The following PFKP variants were observed in gnomAD, a reference collection of about 807,000 sequenced individuals.
PFKP encodes the protein ATP-dependent 6-phosphofructokinase, platelet type.
In PFKP, 101 loss-of-function variants were observed where a neutral mutation model predicts 94.3. The observed-to-expected ratio is 1.07, with a 90% CI of 0.91 to 1.26. The LOEUF is 1.26. Among genes scored for constraint, PFKP ranks in the 50% most tolerant of loss-of-function variants. PFKP has a pLI of 0.00. For synonymous variants in PFKP, 573 were observed against 432.6 expected (o/e 1.32, Z -4.03); for missense variants, 1,145 against 1,103.3 (o/e 1.04, Z -0.53).
At chr10:3,067,918 T>G (rs1162097727) in intron 1 of PFKP, among the ~76,000 whole-genome samples, 1 of 151,628 alleles carries the variant, frequency 6.6e-6, no homozygotes, top group Non-Finnish European at 1.5e-5. Flanking sequence ...GCGGCAGGGG[T>G]ACCTGCGGGG....
chr10:3,106,635 GCCCCTC>G (rs1835602110), intron 7 of PFKP, among the ~76,000 whole-genome samples: 1 of 14,382 alleles, frequency 7.0e-5, no homozygotes, highest in Non-Finnish European at 1.7e-4. Context: ...CTTCACCCCT[GCCCCTC>G]TCCTCACCCC....
intron 8 of PFKP, among the ~76,000 whole-genome samples, chr10:3,107,579 G>C (rs893467773): frequency 6.6e-6 from 1 of 152,216 alleles, no homozygotes; most frequent in African/African-American, 2.4e-5. Context: ...GAGTGGCCAC[G>C]CGTGTTCTTT....
At chr10:3,067,777 A>T (rs1056483444) in intron 1 of PFKP, 70 bp downstream of exon 1, 11 of 666,434 alleles carry the variant, frequency 1.7e-5, no homozygotes, top group African/African-American at 1.6e-4. Context: ...GGCGAAGGCG[A>T]TGGGGTGACC....
intron 10 of PFKP, among the ~76,000 whole-genome samples, chr10:3,111,352 G>T (rs568124002): frequency 3.9e-5 from 6 of 152,258 alleles, no homozygotes; most frequent in South Asian, 4.1e-4. Context: ...GTGTGTGTCT[G>T]CACGTTAGTG....
chr10:3,097,571 CAGGGCCTG>C (rs1834592195), intron 2 of PFKP, among the ~76,000 whole-genome samples: 1 of 152,114 alleles, frequency 6.6e-6, no homozygotes, highest in Non-Finnish European at 1.5e-5. Context: ...GCCTGTGAGC[CAGGGCCTG>C]GGTGCCTGGG....
Position 3,129,997 on chromosome 10 carries a change from C to G in PFKP, c.1848+14C>G. The G allele has an allele frequency of 6.4e-7, 1 of 1,559,480 alleles. No individual in the cohort carries two copies. The highest frequency in any genetic ancestry group is 8.7e-7 in the Non-Finnish European group (1 of 1,149,152). On this transcript the variant is annotated intron_variant, in intron 17 of 21. Transcript: ENST00000381125. ...AGGGATCTGCAGGTATGTGACGGGG[C>G]TGGCCTCAGGGCCCGTCCCCTTGGG... is the stretch of plus-strand genomic sequence containing the variant.
At chr10:3,080,615 C>G (rs1461199844) in intron 1 of PFKP, among the ~76,000 whole-genome samples, 1 of 151,198 alleles carries the variant, frequency 6.6e-6, no homozygotes, top group Non-Finnish European at 1.5e-5. Flanking sequence ...AAGTGTGAAA[C>G]TCGCACAGCC....
At chr10:3,110,434 T>C (rs1836074866) in intron 10 of PFKP, among the ~76,000 whole-genome samples, 4 of 144,874 alleles carry the variant, frequency 2.8e-5, no homozygotes, top group African/African-American at 1.0e-4. Flanking sequence ...GCCAGGATGG[T>C]CTGGATCTCC....
At chr10:3,105,249 C>A in intron 6 of PFKP, 90 bp downstream of exon 6, 1 of 1,398,428 alleles carries the variant, frequency 7.2e-7, no homozygotes, top group Non-Finnish European at 1.0e-6. Context: ...ATCCTGAATG[C>A]TCCCGTGGAA....
chr10:3,113,248 C>T (rs1427387087), intron 12 of PFKP, 60 bp downstream of exon 12: 10 of 1,583,176 alleles, frequency 6.3e-6, no homozygotes, highest in African/African-American at 2.7e-5. Flanking sequence ...CTCATGGCCT[C>T]TGCCTCAGTG....
At chr10:3,122,398 A>AC (rs145998745) in intron 16 of PFKP, among the ~76,000 whole-genome samples, 15,013 of 152,188 alleles carry the variant, frequency 0.099, 788 homozygotes, top group Middle Eastern at 0.15. Flanking sequence ...CCCTCTGTGG[A>AC]CCCTGAAGGG....
intron 16 of PFKP, among the ~76,000 whole-genome samples, chr10:3,128,623 C>A (rs1316733172): frequency 6.6e-6 from 1 of 152,252 alleles, no homozygotes; most frequent in Non-Finnish European, 1.5e-5. Flanking sequence ...GCCTTGTACG[C>A]CTTGTTCCCT....
At chr10:3,097,167 T>C (rs1312852374) in intron 2 of PFKP, among the ~76,000 whole-genome samples, 1 of 151,368 alleles carries the variant, frequency 6.6e-6, no homozygotes, top group East Asian at 1.9e-4. Flanking sequence ...TCTTTATTTA[T>C]GTATCCACCC....
intron 15 of PFKP, 112 bp downstream of exon 15, chr10:3,118,981 C>T: frequency 1.3e-6 from 1 of 748,046 alleles, no homozygotes; most frequent in African/African-American, 1.8e-5. Flanking sequence ...GATAGGTTCC[C>T]AGACCCAGCG....
At chr10:3,095,869 G>A (rs906954035) in intron 2 of PFKP, among the ~76,000 whole-genome samples, 3 of 152,166 alleles carry the variant, frequency 2.0e-5, no homozygotes, top group African/African-American at 7.2e-5. Context: ...GCAAATTAAA[G>A]AATGAGTCAT....
intron 10 of PFKP, 115 bp downstream of exon 10, chr10:3,109,595 C>T (rs1835965791): frequency 7.7e-7 from 1 of 1,306,886 alleles, no homozygotes; most frequent in East Asian, 2.5e-5. Flanking sequence ...ATTACACGGC[C>T]TTTCTGAGAA....
At chr10:3,098,258 T>C (rs929643733) in intron 2 of PFKP, among the ~76,000 whole-genome samples, 4 of 152,190 alleles carry the variant, frequency 2.6e-5, no homozygotes, top group African/African-American at 7.2e-5. Context: ...TTAATAGTTA[T>C]TCCTTCTTAA....
chr10:3,074,340 G>T (rs1832423066), intron 1 of PFKP, among the ~76,000 whole-genome samples: 1 of 152,216 alleles, frequency 6.6e-6, no homozygotes, highest in South Asian at 2.1e-4. Context: ...CCTCTGGTTG[G>T]GGCCCTTTGA....
chr10:3,080,818 C>T (rs1254399118), intron 1 of PFKP, among the ~76,000 whole-genome samples: 2 of 152,048 alleles, frequency 1.3e-5, no homozygotes, highest in African/African-American at 2.4e-5. Context: ...GTCAGGGAGT[C>T]GGGGGTAATG....
Sources: allele counts gnomAD v4.1 joint callset (sites outside exome capture counted in the v4.1 genomes callset), GRCh38; gene constraint gnomAD v4.1.1; transcripts MANE v1.5; gene names NCBI Gene and HGNC (gene_info 2026-07-23, HGNC 2026-07-21).